The following USH2A variants were observed in gnomAD, a reference collection of about 807,000 sequenced individuals.
USH2A encodes usherin.
Under a neutral mutation model 538.9 loss-of-function variants are expected in USH2A, and 443 were observed. The ratio of observed to expected loss-of-function variants is 0.82; its 90% CI spans 0.76 to 0.89. USH2A has a LOEUF of 0.89. Among genes scored for constraint, USH2A ranks in the 40% least tolerant of loss-of-function variants. The probability of loss-of-function intolerance (pLI) is 0.00; values close to 1 mark genes in which losing one functional copy is unlikely to be tolerated. For missense variants in USH2A, 6,633 were observed against 6,324.8 expected (o/e 1.05, Z -1.65); for synonymous variants, 2,413 against 2,273.5 (o/e 1.06, Z -1.75).
intron 32 of USH2A, among the ~76,000 whole-genome samples, chr1:216,007,817 TG>T (rs1269424351): frequency 1.3e-5 from 2 of 152,190 alleles, no homozygotes; most frequent in Non-Finnish European, 2.9e-5. Flanking sequence ...TTAGTAGAGG[TG>T]GGGGGACCCC....
intron 65 of USH2A, among the ~76,000 whole-genome samples, chr1:215,650,356 T>C (rs1386801211): frequency 7.9e-5 from 12 of 152,076 alleles, no homozygotes; most frequent in Non-Finnish European, 1.5e-4. Flanking sequence ...GTTTGTGGAG[T>C]CTTTAATACC....
At chr1:215,938,016 TAAC>T (rs1450340158) in intron 37 of USH2A, among the ~76,000 whole-genome samples, 3 of 152,092 alleles carry the variant, frequency 2.0e-5, no homozygotes, top group Non-Finnish European at 2.9e-5. Context: ...GCTTCCTAGA[TAAC>T]AACATTAATA....
chr1:215,845,108 C>G (rs756748840), intron 45 of USH2A, among the ~76,000 whole-genome samples: 2 of 152,134 alleles, frequency 1.3e-5, no homozygotes, highest in East Asian at 3.9e-4. Context: ...TATGCAAAGA[C>G]CTATTTTTAT....
chr1:216,117,734 A>G (rs1261408498), intron 21 of USH2A, among the ~76,000 whole-genome samples: 1 of 151,768 alleles, frequency 6.6e-6, no homozygotes, highest in Non-Finnish European at 1.5e-5. Context: ...GAGAAAAAAT[A>G]GCTTCTTGGC....
intron 7 of USH2A, among the ~76,000 whole-genome samples, 164 bp downstream of exon 7, chr1:216,324,003 CT>C: frequency 6.6e-6 from 1 of 152,188 alleles, no homozygotes; most frequent in South Asian, 2.1e-4. Flanking sequence ...TTTACAAGAA[CT>C]TTAAACATAG....
intron 11 of USH2A, among the ~76,000 whole-genome samples, chr1:216,286,992 A>G (rs2036898750): frequency 6.6e-6 from 1 of 152,190 alleles, no homozygotes; most frequent in South Asian, 2.1e-4. Flanking sequence ...CAATTTATAA[A>G]AACAAAACCA....
intron 21 of USH2A, among the ~76,000 whole-genome samples, chr1:216,138,095 G>A (rs974900716): frequency 7.1e-4 from 108 of 152,212 alleles, no homozygotes; most frequent in African/African-American, 2.4e-3. Flanking sequence ...TGATATGATT[G>A]TATTGGAATT....
chr1:215,866,046 C>T (rs1175951815), intron 44 of USH2A, among the ~76,000 whole-genome samples: 1 of 152,084 alleles, frequency 6.6e-6, no homozygotes, highest in Non-Finnish European at 1.5e-5. Flanking sequence ...AGATGATTAC[C>T]CCAGTGAGCA....
In USH2A at chr1:215,811,106, A is replaced by G. The variant is rs145076644; in HGVS notation, c.9739+2630T>C. Among the ~76,000 whole-genome samples the G allele has an allele frequency of 4.6e-3, 701 of 152,344 alleles. 5 individuals carry two copies. Among genetic ancestry groups the G allele is most frequent in the African/African-American group, 0.016 (672 of 41,590 alleles). ...AAAGAAATGTGACCTAACCAATTCC[A>G]TCTTGCTTCTAGCCTACAAGCTACC... On this transcript the variant is annotated intron_variant, in intron 49 of 71. Transcript: ENST00000307340.
In USH2A at chr1:215,728,165, A is replaced by G; in HGVS notation, c.11931T>C (p.Ser3977=). 1 of 1,614,098 alleles carries G rather than the reference A, an allele frequency of 6.2e-7. No homozygotes were observed. The highest frequency in any genetic ancestry group is 2.2e-5 in the East Asian group (1 of 44,866). The change falls in exon 61 of 72, where the codon AGT becomes AGC. Residue 3977 remains serine, a synonymous_variant. Transcript: ENST00000307340. ...TCCAATTCAACAGAACTGAATGAGCACTCGTGGCTTGAGCCCAAGGAGCTG... is the reference window on the plus strand; with the variant it reads ...TCCAATTCAACAGAACTGAATGAGCGCTCGTGGCTTGAGCCCAAGGAGCTG... ...DFPAPWAQAT[S]AHSVLLNWTK...
intron 47 of USH2A, among the ~76,000 whole-genome samples, chr1:215,833,268 T>A (rs1167877838): frequency 6.6e-6 from 1 of 151,878 alleles, no homozygotes; most frequent in Non-Finnish European, 1.5e-5. Flanking sequence ...AAGGTCAAAG[T>A]TGGAGGACTC....
At chr1:216,292,136 A>G (rs751556305) in intron 10 of USH2A, 39 bp downstream of exon 10, 1 of 1,600,402 alleles carries the variant, frequency 6.2e-7, no homozygotes, top group African/African-American at 1.3e-5. Context: ...AGAAGCACAC[A>G]GGCCTCCAAA....
intron 50 of USH2A, among the ~76,000 whole-genome samples, chr1:215,791,250 A>G (rs1661974026): frequency 6.6e-6 from 1 of 152,208 alleles, no homozygotes; most frequent in South Asian, 2.1e-4. Flanking sequence ...ATCCAGTTAT[A>G]TAGCAGCACA....
Position 215,838,051 on chromosome 1 carries a change from G to A in USH2A, c.9311C>T (p.Thr3104Ile), listed in dbSNP as rs541565281. The part of the protein sequence containing the change: ...ACVKSNGTQI[T>I]TVEDTPSDIP... ...ATCACTTGGAGTGTCTTCCACAGTG[G>A]TAATTTGGGTTCCATTGCTTTTCAC... is the stretch of plus-strand genomic sequence containing the variant. Residue 3104 changes from threonine to isoleucine, a missense_variant, in exon 47 of 72, where the codon ACC (threonine) becomes ATC (isoleucine). Thr to Ile is a moderately conservative substitution (Grantham distance 89). Coordinates refer to ENST00000307340, the MANE Select transcript of USH2A (RefSeq NM_206933.4). 1.2e-6 allele frequency: 2 copies of A among 1,613,998 alleles called. No homozygotes were observed. Among genetic ancestry groups the A allele is most frequent in the Admixed American group, 3.3e-5 (2 of 59,988 alleles).
intron 38 of USH2A, among the ~76,000 whole-genome samples, chr1:215,918,270 C>G (rs564471387): frequency 1.3e-5 from 2 of 152,166 alleles, no homozygotes; most frequent in South Asian, 2.1e-4. Context: ...CTGCTATGGT[C>G]TATGTCCCTC....
chr1:216,385,041 T>G (rs1008125352), intron 3 of USH2A, among the ~76,000 whole-genome samples: 4 of 152,220 alleles, frequency 2.6e-5, no homozygotes, highest in African/African-American at 9.6e-5. Context: ...GGCAGGCAGG[T>G]GGCTGGGGTA....
chr1:216,207,471 C>G (rs1419482041), intron 15 of USH2A, 40 bp from the exon 16 acceptor site: 9 of 1,612,888 alleles, frequency 5.6e-6, no homozygotes, highest in Non-Finnish European at 7.6e-6. Flanking sequence ...GCAAAGCAAT[C>G]AATAAACAGA....
At chr1:216,194,041 T>A (rs2034780621) in intron 19 of USH2A, 1 of 152,116 alleles carries the variant, frequency 6.6e-6, no homozygotes, top group Non-Finnish European at 1.5e-5. Flanking sequence ...TCACTTCACA[T>A]TTGTTGTTTC....
intron 41 of USH2A, among the ~76,000 whole-genome samples, chr1:215,881,908 C>A (rs1354757467): frequency 6.6e-6 from 1 of 152,154 alleles, no homozygotes; most frequent in East Asian, 1.9e-4. Context: ...CTTTCAGCAG[C>A]TCTTTTACAT....
Sources: gnomAD v4.1 joint callset for allele counts (sites outside exome capture counted in the v4.1 genomes callset) on GRCh38, gnomAD v4.1.1 for gene constraint, MANE v1.5 for transcripts, NCBI Gene and HGNC (gene_info 2026-07-23, HGNC 2026-07-21) for gene names.